Variants in NME7 observed in about 807,000 individuals in gnomAD.
The protein encoded by NME7 is nucleoside diphosphate kinase 7.
A neutral mutation model predicts 49.1 loss-of-function variants in NME7; 41 were observed. The observed-to-expected ratio is 0.83, with a 90% CI of 0.65 to 1.08. The LOEUF (loss-of-function observed/expected upper bound fraction) is 1.08. Ranked by LOEUF, NME7 falls within the 50% of genes least tolerant of loss-of-function variation. NME7 has a pLI of 0.00. For missense variants in NME7, 423 were observed against 463.4 expected, an observed-to-expected ratio of 0.91 and a Z score of 0.80; for synonymous variants, 139 against 150.6, an observed-to-expected ratio of 0.92 and a Z score of 0.56.
At chr1:169,252,837 G>T (rs375820337) in intron 7 of NME7, among the ~76,000 whole-genome samples, 13 of 148,426 alleles carry the variant, frequency 8.8e-5, no homozygotes, top group Non-Finnish European at 1.6e-4. Flanking sequence ...CCCATTGCTT[G>T]TTTTTCTCAG....
At chr1:169,276,666 G>GT (rs1649743675) in intron 7 of NME7, among the ~76,000 whole-genome samples, 1 of 132,896 alleles carries the variant, frequency 7.5e-6, no homozygotes, top group African/African-American at 2.5e-5. Context: ...TTTTTGAAGG[G>GT]TTTTTTGGTC....
intron 4 of NME7, among the ~76,000 whole-genome samples, chr1:169,303,949 T>C (rs1407461327): frequency 6.6e-6 from 1 of 152,224 alleles, no homozygotes; most frequent in Non-Finnish European, 1.5e-5. Context: ...TTAATGTTTA[T>C]AGCTTTTTTT....
intron 1 of NME7, among the ~76,000 whole-genome samples, chr1:169,350,021 C>A (rs906457900): frequency 5.3e-5 from 8 of 151,640 alleles, no homozygotes; most frequent in African/African-American, 1.7e-4. Context: ...TGACACCCTG[C>A]CTCTACTAAA....
At chr1:169,306,357 G>C (rs1651171538) in intron 4 of NME7, among the ~76,000 whole-genome samples, 1 of 152,128 alleles carries the variant, frequency 6.6e-6, no homozygotes, top group African/African-American at 2.4e-5. Context: ...GCAATCTTGA[G>C]GTAGGAAATG....
At chr1:169,234,822 G>A (rs1647791640) in intron 9 of NME7, among the ~76,000 whole-genome samples, 2 of 151,994 alleles carry the variant, frequency 1.3e-5, no homozygotes, top group Non-Finnish European at 2.9e-5. Flanking sequence ...AATGTAATGT[G>A]GAAATAACTG....
At chr1:169,213,753 C>G (rs1017109456) in intron 10 of NME7, among the ~76,000 whole-genome samples, 3 of 151,906 alleles carry the variant, frequency 2.0e-5, no homozygotes, top group Non-Finnish European at 4.4e-5. Flanking sequence ...AGAGACCCAT[C>G]CTGGTCAGAC....
chr1:169,272,151 T>A (rs1182362630), intron 7 of NME7, among the ~76,000 whole-genome samples: 3 of 132,274 alleles, frequency 2.3e-5, no homozygotes, highest in Admixed American at 7.5e-5. Flanking sequence ...TAAAATATAA[T>A]CTATAAATAG....
At chr1:169,223,438 ATTAC>A (rs1303563796) in intron 10 of NME7, among the ~76,000 whole-genome samples, 1 of 152,120 alleles carries the variant, frequency 6.6e-6, no homozygotes, top group Non-Finnish European at 1.5e-5. Flanking sequence ...TGATTAATTA[ATTAC>A]TATTTGTCTA....
chr1:169,136,720 T>A (rs1658444323), intron 11 of NME7, among the ~76,000 whole-genome samples: 1 of 152,266 alleles, frequency 6.6e-6, no homozygotes, highest in African/African-American at 2.4e-5. Flanking sequence ...GTTCTGTCTT[T>A]ATCACCATTA....
chr1:169,147,519 G>A (rs529013868), intron 11 of NME7, among the ~76,000 whole-genome samples: 17 of 152,248 alleles, frequency 1.1e-4, no homozygotes, highest in African/African-American at 3.9e-4. Context: ...AAATGAAGTC[G>A]TCAATTAATG....
intron 10 of NME7, among the ~76,000 whole-genome samples, chr1:169,213,970 G>A (rs964603756): frequency 6.6e-6 from 1 of 152,012 alleles, no homozygotes; most frequent in African/African-American, 2.4e-5. Context: ...TGGTGGTAAT[G>A]AGCCCACAGA....
chr1:169,149,786 G>A (rs758629494), intron 11 of NME7, among the ~76,000 whole-genome samples: 2 of 152,152 alleles, frequency 1.3e-5, no homozygotes, highest in Non-Finnish European at 2.9e-5. Context: ...TAAAACTTAC[G>A]AATTGCTTAC....
At chr1:169,312,198 T>A (rs972356987) in intron 3 of NME7, among the ~76,000 whole-genome samples, 1 of 152,236 alleles carries the variant, frequency 6.6e-6, no homozygotes, top group Non-Finnish European at 1.5e-5. Flanking sequence ...GGGGCTGTGC[T>A]CAGCTGAGAC....
In NME7 at chr1:169,237,837, C is replaced by G. The variant is rs192286611; in HGVS notation, c.755-150G>C. ...TTGCAAGAGAAACTAAATTAAATCC[C>G]TAATACTGAGCATTAAATCTAATCA... On this transcript the variant is annotated intron_variant, in intron 7 of 11. Transcript: ENST00000367811. 8.6e-6 allele frequency: 5 copies of G among 580,320 alleles called. No homozygotes were observed. The East Asian group carries it at 1.4e-4, about 17-fold the overall frequency. The allele number at this position is 580,320 out of a possible 1,614,324, so 35.9% of individuals were successfully genotyped here. A position where few individuals can be genotyped will look rare whatever the true frequency, so the allele number is the denominator to read the frequency against.
chr1:169,234,738 A>G (rs1263472160), intron 9 of NME7, among the ~76,000 whole-genome samples: 3 of 152,154 alleles, frequency 2.0e-5, no homozygotes, highest in Non-Finnish European at 4.4e-5. Flanking sequence ...AGAAAAAAGA[A>G]GAGAACTGAA....
chr1:169,147,311 A>G (rs1180261559), intron 11 of NME7, among the ~76,000 whole-genome samples: 1 of 152,052 alleles, frequency 6.6e-6, no homozygotes, highest in Non-Finnish European at 1.5e-5. Context: ...TAGTTTTTCT[A>G]GTCTCACTCC....
chr1:169,176,372 G>A (rs1269774832), intron 10 of NME7, among the ~76,000 whole-genome samples: 1 of 152,060 alleles, frequency 6.6e-6, no homozygotes, highest in Non-Finnish European at 1.5e-5. Flanking sequence ...CAGGTTCACA[G>A]TAAATACACT....
At chr1:169,235,064 C>T (rs1647802439) in intron 9 of NME7, 67 bp downstream of exon 9, 2 of 863,944 alleles carry the variant, frequency 2.3e-6, no homozygotes, top group South Asian at 3.7e-5. Context: ...GGAGCTTAGT[C>T]CAAAACACTG....
intron 10 of NME7, among the ~76,000 whole-genome samples, chr1:169,215,621 C>G (rs904773777): frequency 5.9e-5 from 9 of 151,696 alleles, no homozygotes; most frequent in Non-Finnish European, 1.0e-4. Context: ...TTGCTAAATA[C>G]TAGCTTAGCA....
Sources: allele counts gnomAD v4.1 joint callset (sites outside exome capture counted in the v4.1 genomes callset), GRCh38; gene constraint gnomAD v4.1.1; transcripts MANE v1.5; gene names NCBI Gene and HGNC (gene_info 2026-07-23, HGNC 2026-07-21).